Variants in MYO15A observed in about 807,000 individuals in gnomAD.
The protein encoded by MYO15A is myosin XVA, also known as unconventional myosin-XV.
MYO15A carries 308 observed loss-of-function variants against 394.6 expected under a neutral mutation model. That is an observed-to-expected ratio of 0.78 (90% CI 0.71 to 0.86). The LOEUF (loss-of-function observed/expected upper bound fraction) is 0.86. Among genes scored for constraint, MYO15A ranks in the 40% least tolerant of loss-of-function variants. The pLI is 0.00. For missense variants in MYO15A, 4,606 were observed against 4,799.1 expected (o/e 0.96, Z 1.19); for synonymous variants, 1,957 against 2,003.8 (o/e 0.98, Z 0.62).
intron 13 of MYO15A, 31 bp from the exon 14 acceptor site, chr17:18,136,386 G>A: frequency 1.9e-6 from 3 of 1,613,234 alleles, no homozygotes; most frequent in Non-Finnish European, 2.5e-6. Context: ...TGGCCAGCCT[G>A]ATGTCACTCA....
At position 18,148,155 on chromosome 17, in the gene MYO15A, G is replaced by A; in HGVS notation, c.6636G>A (p.Glu2212=). The A allele has an allele frequency of 6.2e-7, 1 of 1,613,856 alleles. No individual in the cohort carries two copies. The highest frequency in any genetic ancestry group is 1.1e-5 in the South Asian group (1 of 91,086). The part of the protein sequence containing the change: ...AARTLPPTQL[E]WTATYEKASM... ...GCACCTTACCCCCGACCCAGCTCGA[G>A]TGGACAGCGACCTATGAGAAGGCCA... Residue 2212 remains glutamate (E), a synonymous_variant, in exon 31 of 66, where the codon GAG becomes GAA. Transcript: ENST00000647165. The surrounding 1 kb of genome is among the most constrained non-coding windows in gnomAD (Gnocchi z 4.8).
chr17:18,150,659 T>C lies in MYO15A; in HGVS notation c.7328-39T>C. The C allele has an allele frequency of 6.3e-7, 1 of 1,592,588 alleles. No individual in the cohort carries two copies. Among genetic ancestry groups the C allele is most frequent in the South Asian group, 1.1e-5 (1 of 88,978 alleles). ...GGCTGAGAGGACAGGGAGGAGGGCA[T>C]CTCCGGTGCCATCTGTGCCTTCTGC... On this transcript the variant is annotated intron_variant, in intron 36 of 65. Transcript: ENST00000647165. The surrounding 1 kb of genome is among the most constrained non-coding windows in gnomAD (Gnocchi z 4.4).
chr17:18,121,689 C>T lies in MYO15A; in HGVS notation c.2889C>T (p.Pro963=), dbSNP rs754464576. ...FSRPPPVPEN[P]FLQLLGPVPS... Reference sequence around the variant, plus strand: ...GGCCACCCCCTGTGCCGGAAAACCCCTTTCTCCAGCTCCTGGGCCCTGTGC... The same window carrying T: ...GGCCACCCCCTGTGCCGGAAAACCCTTTTCTCCAGCTCCTGGGCCCTGTGC... The change falls in exon 2 of 66, where the codon CCC becomes CCT. Residue 963 remains proline (P), a synonymous_variant. Coordinates refer to ENST00000647165, the MANE Select transcript of MYO15A (RefSeq NM_016239.4). This position sits in a 1 kb window ranked among gnomAD's most constrained non-coding sequence, Gnocchi z 5.3. The T allele has an allele frequency of 6.2e-7, 1 of 1,608,088 alleles. No individual in the cohort carries two copies. The highest frequency in any genetic ancestry group is 8.5e-7 in the Non-Finnish European group (1 of 1,176,938).
Position 18,157,047 on chromosome 17 carries a change from C to T in MYO15A, c.8695C>T (p.Leu2899=). ...HKGDIIHLQP[L]EPPRVGYSAG... ...GGGTGACATCATACACCTGCAGCCC[C>T]TAGAGCCACCTCGAGTGGGTCAGTG... Residue 2899 remains leucine, a synonymous_variant, in exon 49 of 66, where the codon CTA becomes TTA. Transcript: ENST00000647165. 1 of 1,614,116 alleles carries T rather than the reference C, an allele frequency of 6.2e-7. No homozygotes were observed. Among genetic ancestry groups the T allele is most frequent in the Non-Finnish European group, 8.5e-7 (1 of 1,180,022 alleles).
At chr17:18,174,364 G>A (rs1597827298) in intron 65 of MYO15A, among the ~76,000 whole-genome samples, 1 of 152,312 alleles carries the variant, frequency 6.6e-6, no homozygotes, top group South Asian at 2.1e-4. Context: ...GCTCATGCCT[G>A]TAATCCCAGC....
intron 25 of MYO15A, 70 bp downstream of exon 25, chr17:18,142,910 G>A: frequency 7.1e-7 from 1 of 1,399,390 alleles, no homozygotes; most frequent in Admixed American, 2.0e-5. Flanking sequence ...GCACCCAAGA[G>A]GAGACTACTG....
At position 18,139,316 on chromosome 17, in the gene MYO15A, C is replaced by A. The variant is rs565535066; in HGVS notation, c.5134-218C>A. The A allele has an allele frequency of 2.3e-4, 150 of 640,918 alleles. 1 individual carries two copies. In the South Asian group the frequency reaches 2.7e-3, roughly 11 times the overall value. The allele number at this position is 640,918 out of a possible 1,614,324, so 39.7% of individuals were successfully genotyped here. A position where few individuals can be genotyped will look rare whatever the true frequency, so the allele number is the denominator to read the frequency against. ...CCCATCCGGGCCTTACTTTTCTCAT[C>A]TGTAGAATGGGCACAGGACAATGTC... is the stretch of plus-strand genomic sequence containing the variant. On this transcript the variant is annotated intron_variant, in intron 18 of 65. Transcript: ENST00000647165.
At chr17:18,154,888 C>G in intron 45 of MYO15A, 133 bp downstream of exon 45, 1 of 1,107,538 alleles carries the variant, frequency 9.0e-7, no homozygotes, top group Non-Finnish European at 1.3e-6. Flanking sequence ...TGCTCTGCTT[C>G]TCTGGCCTCT....
Position 18,137,822 on chromosome 17 carries a change from C to A in MYO15A, c.4875+143C>A, listed in dbSNP as rs183347673. ...GGGAAAGGCATTCTAAGCTGGGGAC[C>A]AGCCCATGGGAAGGCCTCTGTTCTG... On this transcript the variant is annotated intron_variant, in intron 16 of 65. Coordinates refer to ENST00000647165, the MANE Select transcript of MYO15A (RefSeq NM_016239.4). The A allele has an allele frequency of 5.9e-3, 6,249 of 1,055,758 alleles. 36 individuals carry two copies. The highest frequency in any genetic ancestry group is 8.0e-3 in the Non-Finnish European group (5,659 of 706,654). 65.4% of individuals were successfully genotyped at this position (1,055,758 alleles called of 1,614,324 possible). A position where few individuals can be genotyped will look rare whatever the true frequency, so the allele number is the denominator to read the frequency against.
At position 18,142,855 on chromosome 17, in the gene MYO15A, C is replaced by G; in HGVS notation, c.5910+15C>G. The G allele has an allele frequency of 6.2e-7, 1 of 1,603,288 alleles. No homozygotes were observed. ...GCTATCTCAAGGTATAGGCCCTACC[C>G]TATCTGGGTCCAAGGGGACAGCAGA... On this transcript the variant is annotated intron_variant, in intron 25 of 65. Transcript: ENST00000647165.
At position 18,171,685 on chromosome 17, in the gene MYO15A, C is replaced by T; in HGVS notation, c.10130C>T (p.Ala3377Val). The stretch of plus-strand genomic sequence containing the variant: ...CCAGCCCAGCTCTACCGTACAACGG[C>T]AGGCTCGACCTGGCTCAACCTGGTC... The part of the protein sequence containing the change: ...YIPAQLYRTT[A>V]GSTWLNLVSQ... Residue 3377 changes from alanine (A) to valine (V), a missense_variant, in exon 63 of 66, where the codon GCA becomes GTA. Ala to Val is a moderately conservative substitution (Grantham distance 64, BLOSUM62 0). This residue lies in a region of MYO15A where 2,776 missense variants were observed against 3,109.3 expected (regional missense o/e 0.89). Transcript: ENST00000647165. 6.2e-7 allele frequency: 1 copy of T among 1,613,468 alleles called. No individual in the cohort carries two copies. The highest frequency in any genetic ancestry group is 8.5e-7 in the Non-Finnish European group (1 of 1,180,034).
intron 1 of MYO15A, among the ~76,000 whole-genome samples, chr17:18,116,298 A>G (rs895539503): frequency 6.6e-6 from 1 of 152,220 alleles, no homozygotes; most frequent in African/African-American, 2.4e-5. Flanking sequence ...TAGCACGACT[A>G]TGCTCCTGGC....
rs199689781 is a variant in MYO15A, at chr17:18,119,089, C to A, written c.289C>A (p.Arg97=). 1.2e-6 allele frequency: 2 copies of A among 1,611,762 alleles called. No homozygotes were observed. Among genetic ancestry groups the A allele is most frequent in the African/African-American group, 1.3e-5 (1 of 75,034 alleles). Reference sequence around the variant, plus strand: ...GCAGATGCGCATGGGCAAGAAGAAGCGGGCGATGAAGGGCAAGAAGCCGTC... The same window carrying A: ...GCAGATGCGCATGGGCAAGAAGAAGAGGGCGATGAAGGGCAAGAAGCCGTC... ...MTQMRMGKKK[R]AMKGKKPSFM... is the part of the protein sequence containing the mutation. Residue 97 remains arginine (R), a synonymous_variant, in exon 2 of 66, where the codon CGG becomes AGG. Transcript: ENST00000647165.
In MYO15A at chr17:18,140,683, T is replaced by G. The variant is rs1597791584; in HGVS notation, c.5360+18T>G. The G allele has an allele frequency of 1.9e-6, 3 of 1,613,690 alleles. No homozygotes were observed. Among genetic ancestry groups the G allele is most frequent in the Non-Finnish European group, 2.5e-6 (3 of 1,179,946 alleles). ...ATGGAGAGGTGGGGTGGGGGGCAGG[T>G]GGGCGGAGCACCCAGCCTCATCCTT... On this transcript the variant is annotated intron_variant, in intron 20 of 65. Coordinates refer to ENST00000647165, the MANE Select transcript of MYO15A (RefSeq NM_016239.4).
At position 18,164,831 on chromosome 17, in the gene MYO15A, G is replaced by A. The variant is rs1221100118; in HGVS notation, c.9787+993G>A. 20 of 41,148 alleles carry A rather than the reference G, an allele frequency of 4.9e-4. 1 individual carries two copies. Among genetic ancestry groups the A allele is most frequent in the African/African-American group, 2.9e-3 (19 of 6,648 alleles). 2.5% of individuals were successfully genotyped at this position (41,148 alleles called of 1,614,324 possible). On this transcript the variant is annotated intron_variant, in intron 60 of 65. Transcript: ENST00000647165. ...TGGGTGATGGAGTGAGACTCTATCT[G>A]CAAAAAAAAAAAAAAAAAAAAAAAA...
In MYO15A at chr17:18,121,680, G is replaced by A. The variant is rs762692576; in HGVS notation, c.2880G>A (p.Pro960=). 2 of 1,483,830 alleles carry A rather than the reference G, an allele frequency of 1.3e-6. No individual in the cohort carries two copies. Among genetic ancestry groups the A allele is most frequent in the Non-Finnish European group, 1.8e-6 (2 of 1,097,732 alleles). 91.9% of individuals were successfully genotyped at this position (1,483,830 alleles called of 1,614,324 possible). A position where few individuals can be genotyped will look rare whatever the true frequency, so the allele number is the denominator to read the frequency against. The change falls in exon 2 of 66, where the codon CCG becomes CCA. Residue 960 remains proline (P), a synonymous_variant. Coordinates refer to ENST00000647165, the MANE Select transcript of MYO15A (RefSeq NM_016239.4). The surrounding 1 kb of genome is among the most constrained non-coding windows in gnomAD (Gnocchi z 5.3). ...GCTTTTCCAGGCCACCCCCTGTGCCGGAAAACCCCTTTCTCCAGCTCCTGG... is the reference window on the plus strand; with the variant it reads ...GCTTTTCCAGGCCACCCCCTGTGCCAGAAAACCCCTTTCTCCAGCTCCTGG... ...RRGFSRPPPV[P]ENPFLQLLGP... is the part of the protein sequence containing the mutation.
chr17:18,161,433 G>A lies in MYO15A; in HGVS notation c.9503G>A (p.Gly3168Asp), dbSNP rs1378317700. The A allele has an allele frequency of 6.2e-7, 1 of 1,613,924 alleles. No individual in the cohort carries two copies. Among genetic ancestry groups the A allele is most frequent in the Middle Eastern group, 1.7e-4 (1 of 6,058 alleles). The change falls in exon 57 of 66, where the codon GGC becomes GAC. Residue 3168 changes from glycine (G) to aspartate (D), a missense_variant. Gly to Asp is a moderately conservative substitution (Grantham distance 94). Around this residue, in one of 2 missense-constraint regions of MYO15A, gnomAD observed 2,776 missense variants for 3,109.3 expected, o/e 0.89. Coordinates refer to ENST00000647165, the MANE Select transcript of MYO15A (RefSeq NM_016239.4). The stretch of plus-strand genomic sequence containing the variant: ...CTCCAAGACGTGAGCCGGACCCCAG[G>A]CCTGCCCTTTCAGGGTGAGAGGTCA... ...RFLQDVSRTP[G>D]LPFQGIAKAC...
At chr17:18,129,477 A>G (rs539798793) in intron 7 of MYO15A, among the ~76,000 whole-genome samples, 14 of 152,328 alleles carry the variant, frequency 9.2e-5, no homozygotes, top group African/African-American at 3.4e-4. Flanking sequence ...CAATGGGTGC[A>G]GTATTTCCTG....
chr17:18,153,947 G>A lies in MYO15A; in HGVS notation c.8088+51G>A. 3 of 1,610,154 alleles carry A rather than the reference G, an allele frequency of 1.9e-6. No individual in the cohort carries two copies. Among genetic ancestry groups the A allele is most frequent in the Non-Finnish European group, 1.7e-6 (2 of 1,177,626 alleles). On this transcript the variant is annotated intron_variant, in intron 43 of 65. Coordinates refer to ENST00000647165, the MANE Select transcript of MYO15A (RefSeq NM_016239.4). The surrounding 1 kb of genome is among the most constrained non-coding windows in gnomAD (Gnocchi z 4.1). ...GAGGGGCTGAAGCGGGGCAGGGGAG[G>A]GGCTGAAGCGAGCAGAGGAGGGTCT...
Sources: gnomAD v4.1 joint callset for allele counts (sites outside exome capture counted in the v4.1 genomes callset) on GRCh38, gnomAD v4.1.1 for gene constraint, gnomAD v4.1.1 regional missense constraint, Gnocchi (gnomAD v3.1) non-coding constraint, MANE v1.5 for transcripts, NCBI Gene and HGNC (gene_info 2026-07-23, HGNC 2026-07-21) for gene names.